Variants in PRKN observed in about 807,000 individuals in gnomAD.
PRKN encodes the protein E3 ubiquitin-protein ligase parkin.
PRKN carries 56 observed loss-of-function variants against 59.5 expected under a neutral mutation model. The ratio of observed to expected loss-of-function variants is 0.94; its 90% CI spans 0.76 to 1.18. PRKN has a LOEUF of 1.18. Among genes scored for constraint, PRKN ranks in the 50% most tolerant of loss-of-function variants. PRKN has a pLI of 0.00. For missense variants in PRKN, 657 were observed against 596.4 expected, an observed-to-expected ratio of 1.10 and a Z score of -1.06; for synonymous variants, 250 against 222.1, an observed-to-expected ratio of 1.13 and a Z score of -1.12.
chr6:162,595,098 T>C (rs111415930), intron 1 of PRKN, among the ~76,000 whole-genome samples: 3,137 of 151,882 alleles, frequency 0.021, 106 homozygotes, highest in African/African-American at 0.07. Context: ...GGCGTGAACC[T>C]GAGAGGCAGA....
At chr6:161,769,825 C>A (rs1397691337) in intron 7 of PRKN, among the ~76,000 whole-genome samples, 1 of 152,040 alleles carries the variant, frequency 6.6e-6, no homozygotes, top group Admixed American at 6.6e-5. Flanking sequence ...CAGAAGATAA[C>A]CACCACCCAC....
intron 7 of PRKN, among the ~76,000 whole-genome samples, chr6:161,746,640 A>G (rs978241334): frequency 3.4e-5 from 5 of 146,766 alleles, no homozygotes; most frequent in African/African-American, 1.2e-4. Flanking sequence ...ATATGTATAT[A>G]TGTATATATC....
chr6:161,875,698 T>C (rs1210308293), intron 6 of PRKN, among the ~76,000 whole-genome samples: 2 of 152,110 alleles, frequency 1.3e-5, no homozygotes, highest in East Asian at 3.9e-4. Flanking sequence ...ACTTTTAGTA[T>C]TTCACGTGGG....
intron 6 of PRKN, among the ~76,000 whole-genome samples, chr6:161,808,991 C>T (rs534371593): frequency 7.7e-4 from 117 of 152,180 alleles, no homozygotes; most frequent in Non-Finnish European, 1.4e-3. Flanking sequence ...CAGGCATGCA[C>T]CACAATGCCT....
chr6:161,764,919 A>T (rs1194184465), intron 7 of PRKN, among the ~76,000 whole-genome samples: 2 of 152,054 alleles, frequency 1.3e-5, no homozygotes, highest in Non-Finnish European at 2.9e-5. Context: ...AAACTCCTTT[A>T]AAAAAAAGAT....
intron 2 of PRKN, among the ~76,000 whole-genome samples, chr6:162,343,719 A>C (rs1261746949): frequency 1.3e-5 from 2 of 152,094 alleles, no homozygotes; most frequent in African/African-American, 4.8e-5. Context: ...GTATGTGTGC[A>C]AGCATGCTCA....
rs1780459626 is a variant in PRKN at position 161,561,664 on chromosome 6, C to A, written c.933+7691G>T. On this transcript the variant is annotated intron_variant, in intron 8 of 11. Coordinates refer to ENST00000366898, the MANE Select transcript of PRKN (RefSeq NM_004562.3). This position sits in a 1 kb window ranked among gnomAD's most constrained non-coding sequence, Gnocchi z 5.0. Reference sequence around the variant, plus strand: ...TTCCTCCCTCTCTGCTGGATCTGAGCCCTTCTTGCCTTCCAAAGTACTTCC... The same window carrying A: ...TTCCTCCCTCTCTGCTGGATCTGAGACCTTCTTGCCTTCCAAAGTACTTCC... Among the ~76,000 whole-genome samples, 1 of 152,140 alleles carries A rather than the reference C, an allele frequency of 6.6e-6. No homozygotes were observed. Among genetic ancestry groups the A allele is most frequent in the South Asian group, 2.1e-4 (1 of 4,824 alleles).
chr6:162,419,338 T>C (rs1788831982), intron 2 of PRKN, among the ~76,000 whole-genome samples: 1 of 152,152 alleles, frequency 6.6e-6, no homozygotes, highest in Non-Finnish European at 1.5e-5. Flanking sequence ...TTGCAAAGTG[T>C]TCAACTTTAT....
chr6:161,863,971 T>C (rs1253676140), intron 6 of PRKN, among the ~76,000 whole-genome samples: 1 of 152,208 alleles, frequency 6.6e-6, no homozygotes, highest in African/African-American at 2.4e-5. Context: ...ATGCTAATGA[T>C]CATCTGAGCA....
intron 1 of PRKN, among the ~76,000 whole-genome samples, chr6:162,505,747 T>C (rs1258073419): frequency 6.6e-6 from 1 of 152,124 alleles, no homozygotes; most frequent in East Asian, 1.9e-4. Flanking sequence ...GTACCCATAA[T>C]ATGTGATTTA....
chr6:162,415,381 GGCA>G (rs1788577387), intron 2 of PRKN, among the ~76,000 whole-genome samples: 1 of 152,162 alleles, frequency 6.6e-6, no homozygotes, highest in South Asian at 2.1e-4. Context: ...ATTCAATAAA[GGCA>G]GCTGAAATTG....
chr6:161,727,529 T>C lies in PRKN; in HGVS notation c.871+58243A>G, dbSNP rs16892965. ...TTAATTATGGATCAATAAAAGATGA[T>C]CCAATTGATTGTAGAGAAAGTCTGC... On this transcript the variant is annotated intron_variant, in intron 7 of 11. Transcript: ENST00000366898. Among the ~76,000 whole-genome samples, 1,036 of 152,310 alleles carry C rather than the reference T, an allele frequency of 6.8e-3. 17 individuals are homozygous for C. The highest frequency in any genetic ancestry group is 0.024 in the African/African-American group (980 of 41,568).
At chr6:161,989,187 T>C (rs1233849876) in intron 5 of PRKN, among the ~76,000 whole-genome samples, 1 of 152,238 alleles carries the variant, frequency 6.6e-6, no homozygotes, top group Non-Finnish European at 1.5e-5. Context: ...ATGAATTAAA[T>C]TGATGGATAT....
chr6:161,371,695 A>G lies in PRKN; in HGVS notation c.1168-11490T>C, dbSNP rs1180229218. Among the ~76,000 whole-genome samples, 1 of 152,010 alleles carries G rather than the reference A, an allele frequency of 6.6e-6. No homozygotes were observed. Among genetic ancestry groups the G allele is most frequent in the Non-Finnish European group, 1.5e-5 (1 of 67,990 alleles). ...GCTCTGTCACCTAGGCTGGAGTGCA[A>G]TGACACAATCTCGGCTCACTACAAC... On this transcript the variant is annotated intron_variant, in intron 10 of 11. Transcript: ENST00000366898. The surrounding 1 kb of genome is among the most constrained non-coding windows in gnomAD (Gnocchi z 5.5).
chr6:161,969,271 T>G (rs76962608), intron 6 of PRKN, among the ~76,000 whole-genome samples: 1 of 145,508 alleles, frequency 6.9e-6, no homozygotes, highest in Non-Finnish European at 1.5e-5. Context: ...CTTATTTGTT[T>G]TTTTTTTTTT....
chr6:162,477,960 T>G (rs1792106864), intron 1 of PRKN, among the ~76,000 whole-genome samples: 1 of 152,122 alleles, frequency 6.6e-6, no homozygotes, highest in South Asian at 2.1e-4. Flanking sequence ...ACTGTTTTTC[T>G]CAGTACAGTG....
intron 6 of PRKN, among the ~76,000 whole-genome samples, chr6:161,790,195 A>C (rs1179115420): frequency 1.3e-5 from 2 of 152,234 alleles, no homozygotes; most frequent in Non-Finnish European, 2.9e-5. Context: ...GGGAGGATTG[A>C]TGTTTGGTCA....
rs1253775732 is a variant in PRKN, at chr6:161,350,617, T to TATAA, written c.1286-407_1286-406insTTAT. Among the ~76,000 whole-genome samples the TATAA allele has an allele frequency of 1.4e-3, 118 of 84,340 alleles. 1 individual carries two copies. Among genetic ancestry groups the TATAA allele is most frequent in the African/African-American group, 6.3e-3 (93 of 14,692 alleles). 55.3% of individuals were successfully genotyped at this position (84,340 alleles called of 152,430 possible). On this transcript the variant is annotated intron_variant, in intron 11 of 11. Transcript: ENST00000366898. ...TTTTTATATATTTATATTTAAAATA[T>TATAA]ATATATTTTTATATATTTATATTTA...
intron 7 of PRKN, among the ~76,000 whole-genome samples, chr6:161,664,475 G>A (rs987206741): frequency 6.6e-6 from 1 of 152,164 alleles, no homozygotes; most frequent in Non-Finnish European, 1.5e-5. Context: ...TTTATTTATA[G>A]TTACGGCAAC....
Sources: gnomAD v4.1 joint callset for allele counts (sites outside exome capture counted in the v4.1 genomes callset) on GRCh38, gnomAD v4.1.1 for gene constraint, Gnocchi (gnomAD v3.1) non-coding constraint, MANE v1.5 for transcripts, NCBI Gene and HGNC (gene_info 2026-07-23, HGNC 2026-07-21) for gene names.